The following TOX variants were observed in gnomAD, a reference collection of about 807,000 sequenced individuals.
The protein encoded by TOX is thymocyte selection-associated high mobility group box protein TOX.
In TOX, 11 loss-of-function variants were observed where a neutral mutation model predicts 53.7. That is an observed-to-expected ratio of 0.20 (90% confidence interval 0.13 to 0.34). TOX has a LOEUF of 0.34. TOX is among the 10% of genes least tolerant of loss of function. The pLI is 1.00. For missense variants in TOX, 570 were observed against 664.6 expected (o/e 0.86, Z 1.56); for synonymous variants, 225 against 245.3 (o/e 0.92, Z 0.77).
At chr8:59,070,504 AAAAC>A (rs1486507739) in intron 1 of TOX, among the ~76,000 whole-genome samples, 1 of 82,842 alleles carries the variant, frequency 1.2e-5, no homozygotes, top group Non-Finnish European at 2.5e-5. Flanking sequence ...TATGTCAAGG[AAAAC>A]ACACACACAC....
intron 1 of TOX, among the ~76,000 whole-genome samples, chr8:58,988,959 A>G (rs1813388699): frequency 6.6e-6 from 1 of 152,224 alleles, no homozygotes; most frequent in African/African-American, 2.4e-5. Context: ...GATTTTTGAC[A>G]AGTATTAATG....
At chr8:59,002,131 A>G (rs1296479397) in intron 1 of TOX, among the ~76,000 whole-genome samples, 2 of 150,826 alleles carry the variant, frequency 1.3e-5, no homozygotes, top group Non-Finnish European at 3.0e-5. Context: ...GCCTGCCACC[A>G]TGCTGGCTAA....
At chr8:58,807,992 C>T in intron 8 of TOX, 126 bp downstream of exon 8, 3 of 1,368,518 alleles carry the variant, frequency 2.2e-6, no homozygotes, top group Non-Finnish European at 3.0e-6. Flanking sequence ...TTTCTGGTGT[C>T]TTCTGCCTTC....
At chr8:58,973,276 G>A (rs1328383319) in intron 1 of TOX, among the ~76,000 whole-genome samples, 10 of 152,040 alleles carry the variant, frequency 6.6e-5, no homozygotes, top group East Asian at 5.8e-4. Flanking sequence ...TTCTATTTTC[G>A]GGCAATGAAC....
At chr8:59,026,248 T>C (rs1321536565) in intron 1 of TOX, among the ~76,000 whole-genome samples, 1 of 152,132 alleles carries the variant, frequency 6.6e-6, no homozygotes, top group Non-Finnish European at 1.5e-5. Context: ...CATGGTCCCA[T>C]GTCACTGTGA....
At chr8:58,995,597 T>G (rs1414589739) in intron 1 of TOX, among the ~76,000 whole-genome samples, 2 of 152,066 alleles carry the variant, frequency 1.3e-5, no homozygotes, top group Non-Finnish European at 2.9e-5. Context: ...CACAGACAAC[T>G]GAAAAAGCAT....
chr8:58,941,840 G>T (rs1224378001), intron 2 of TOX, among the ~76,000 whole-genome samples: 4 of 152,038 alleles, frequency 2.6e-5, no homozygotes, highest in Non-Finnish European at 4.4e-5. Flanking sequence ...ATCACTTGAG[G>T]TCAGGAGTTT....
At chr8:59,022,350 C>T (rs1814151533) in intron 1 of TOX, among the ~76,000 whole-genome samples, 2 of 152,104 alleles carry the variant, frequency 1.3e-5, no homozygotes, top group African/African-American at 4.8e-5. Flanking sequence ...CAACCAAAGA[C>T]TCCGACATGT....
chr8:58,856,656 C>A (rs1810921453), intron 3 of TOX, among the ~76,000 whole-genome samples: 1 of 152,052 alleles, frequency 6.6e-6, no homozygotes, highest in Non-Finnish European at 1.5e-5. Context: ...TCCTTTGCAG[C>A]TATGCATGGC....
intron 2 of TOX, among the ~76,000 whole-genome samples, chr8:58,951,551 G>A (rs965779664): frequency 7.8e-6 from 1 of 128,342 alleles, no homozygotes; most frequent in Non-Finnish European, 1.7e-5. Flanking sequence ...TGTTGACCCG[G>A]TCTCACCTGG....
intron 7 of TOX, among the ~76,000 whole-genome samples, chr8:58,808,978 C>T (rs772027114): frequency 2.0e-5 from 3 of 152,194 alleles, no homozygotes; most frequent in African/African-American, 7.2e-5. Context: ...CAGGAAGATT[C>T]TTCTAATACA....
At chr8:59,085,428 G>A (rs1046188684) in intron 1 of TOX, among the ~76,000 whole-genome samples, 1 of 149,556 alleles carries the variant, frequency 6.7e-6, no homozygotes, top group African/African-American at 2.5e-5. Flanking sequence ...TTACTCTGTT[G>A]TCCAGGCTGG....
At chr8:59,055,596 A>G (rs1379728177) in intron 1 of TOX, among the ~76,000 whole-genome samples, 1 of 152,196 alleles carries the variant, frequency 6.6e-6, no homozygotes, top group Non-Finnish European at 1.5e-5. Context: ...AATTTAACAC[A>G]TAATAAAGGT....
chr8:58,838,162 G>A lies in TOX; in HGVS notation c.843C>T (p.Gly281=). The stretch of plus-strand genomic sequence containing the variant: ...CGCCAAAGGTAGCGTTTGGATTTTG[G>A]CCCTTGATGGCGGCCTGAGTATCAC... ...FFRDTQAAIK[G]QNPNATFGEV... The change falls in exon 5 of 9, where the codon GGC becomes GGT. Residue 281 remains glycine (G), a synonymous_variant. Coordinates refer to ENST00000361421, the MANE Select transcript of TOX (RefSeq NM_014729.3). The A allele has an allele frequency of 2.5e-6, 4 of 1,614,164 alleles. No individual in the cohort carries two copies. The highest frequency in any genetic ancestry group is 3.4e-6 in the Non-Finnish European group (4 of 1,180,010).
chr8:59,059,633 A>G (rs1803943455), intron 1 of TOX, among the ~76,000 whole-genome samples: 1 of 152,222 alleles, frequency 6.6e-6, no homozygotes, highest in South Asian at 2.1e-4. Context: ...CCATATTTCA[A>G]TGCAGAATGG....
At chr8:58,884,816 G>A (rs755484121) in intron 3 of TOX, among the ~76,000 whole-genome samples, 5 of 152,048 alleles carry the variant, frequency 3.3e-5, no homozygotes, top group Non-Finnish European at 7.4e-5. Flanking sequence ...ATAATGCTCA[G>A]AACTTTTATA....
At chr8:58,819,517 G>A (rs376314235) in intron 6 of TOX, among the ~76,000 whole-genome samples, 10 of 152,268 alleles carry the variant, frequency 6.6e-5, no homozygotes, top group Admixed American at 1.3e-4. Context: ...AGTGGGGGTC[G>A]TGGCCATAGA....
At chr8:59,116,321 G>A (rs1805098151) in intron 1 of TOX, among the ~76,000 whole-genome samples, 1 of 152,214 alleles carries the variant, frequency 6.6e-6, no homozygotes, top group African/African-American at 2.4e-5. Flanking sequence ...GATTTACTTT[G>A]CAGTATTGTT....
chr8:59,066,003 G>T (rs956958838), intron 1 of TOX, among the ~76,000 whole-genome samples: 1 of 152,138 alleles, frequency 6.6e-6, no homozygotes, highest in Non-Finnish European at 1.5e-5. Flanking sequence ...ATAGACAAAA[G>T]ATGTCCAAAT....
Sources: allele counts gnomAD v4.1 joint callset (sites outside exome capture counted in the v4.1 genomes callset), GRCh38; gene constraint gnomAD v4.1.1; transcripts MANE v1.5; gene names NCBI Gene and HGNC (gene_info 2026-07-23, HGNC 2026-07-21).